Variants in GIPC2 observed in about 807,000 individuals in gnomAD.
GIPC2 encodes GIPC PDZ domain containing family member 2.
Under a neutral mutation model 30.6 loss-of-function variants are expected in GIPC2, and 30 were observed. The observed-to-expected ratio is 0.98, with a 90% CI of 0.73 to 1.33. GIPC2 has a LOEUF of 1.33. GIPC2 is among the 40% of genes most tolerant of loss of function. The pLI is 0.00. For synonymous variants in GIPC2, 167 were observed against 150.0 expected, an observed-to-expected ratio of 1.11 and a Z score of -0.83; for missense variants, 414 against 390.3, an observed-to-expected ratio of 1.06 and a Z score of -0.51.
At chr1:78,085,735 A>G (rs966592843) in intron 2 of GIPC2, among the ~76,000 whole-genome samples, 1 of 151,558 alleles carries the variant, frequency 6.6e-6, no homozygotes, top group African/African-American at 2.4e-5. Context: ...TCTGATGGTT[A>G]TTTTTATTTC....
At chr1:78,084,127 A>C (rs369122189) in intron 2 of GIPC2, among the ~76,000 whole-genome samples, 8 of 152,250 alleles carry the variant, frequency 5.3e-5, no homozygotes, top group African/African-American at 1.9e-4. Flanking sequence ...CATTGAAGTC[A>C]AGTTCTGGTG....
In GIPC2 at chr1:78,135,683, A is replaced by C; in HGVS notation, c.888A>C (p.Pro296=). The C allele has an allele frequency of 6.2e-7, 1 of 1,613,642 alleles. No homozygotes were observed. The highest frequency in any genetic ancestry group is 8.5e-7 in the Non-Finnish European group (1 of 1,179,684). ...LDETLGDFAF[P]DEFVFDVWGV... ...AAACTCTTGGAGACTTTGCGTTCCC[A>C]GACGAATTTGTCTTTGATGTTTGGG... The change falls in exon 6 of 6, where the codon CCA becomes CCC. Residue 296 remains proline, a synonymous_variant. Coordinates refer to ENST00000370759, the MANE Select transcript of GIPC2 (RefSeq NM_017655.6).
In GIPC2 at chr1:78,125,844, G is replaced by T. The variant is rs1384507955; in HGVS notation, c.715-37G>T. 5 of 1,116,508 alleles carry T rather than the reference G, an allele frequency of 4.5e-6. No homozygotes were observed. The Admixed American group carries it at 8.6e-5, about 19-fold the overall frequency. 69.2% of individuals were successfully genotyped at this position (1,116,508 alleles called of 1,614,324 possible). Reference sequence around the variant, plus strand: ...TATGCCCTGACAATCAAGAGATTTTGTTGTATAATATCTTATTTCTCTCTT... The same window carrying T: ...TATGCCCTGACAATCAAGAGATTTTTTTGTATAATATCTTATTTCTCTCTT... On this transcript the variant is annotated intron_variant, in intron 4 of 5. Coordinates refer to ENST00000370759, the MANE Select transcript of GIPC2 (RefSeq NM_017655.6).
At chr1:78,087,125 G>A (rs1381762099) in intron 2 of GIPC2, among the ~76,000 whole-genome samples, 2 of 152,152 alleles carry the variant, frequency 1.3e-5, no homozygotes, top group African/African-American at 4.8e-5. Context: ...TCCCATGCTT[G>A]TGGATAGGAA....
At chr1:78,098,727 T>C (rs1571506680) in intron 3 of GIPC2, among the ~76,000 whole-genome samples, 1 of 151,734 alleles carries the variant, frequency 6.6e-6, no homozygotes, top group East Asian at 1.9e-4. Context: ...TGTAACTAGG[T>C]TAAAATGACA....
In GIPC2 at chr1:78,135,596, C is replaced by T. The variant is rs1343968002; in HGVS notation, c.801C>T (p.Thr267=). ...YMGIRDIDLA[T]TMFEAGKDKV... ...TTTTAATATTATTTTTGATAGCCACCACAATGTTTGAAGCTGGAAAGGACA... is the reference window on the plus strand; with the variant it reads ...TTTTAATATTATTTTTGATAGCCACTACAATGTTTGAAGCTGGAAAGGACA... Residue 267 remains threonine (T), a synonymous_variant, in exon 6 of 6, where the codon ACC becomes ACT. Coordinates refer to ENST00000370759, the MANE Select transcript of GIPC2 (RefSeq NM_017655.6). The T allele has an allele frequency of 6.5e-7, 1 of 1,548,374 alleles. No homozygotes were observed. The highest frequency in any genetic ancestry group is 8.8e-7 in the Non-Finnish European group (1 of 1,138,468).
intron 1 of GIPC2, among the ~76,000 whole-genome samples, chr1:78,077,936 C>T (rs1050746765): frequency 2.0e-5 from 3 of 151,986 alleles, no homozygotes; most frequent in African/African-American, 4.8e-5. Context: ...CGCCTGTAAT[C>T]CCAGCACTTT....
chr1:78,112,877 T>A (rs1410886706), intron 3 of GIPC2, among the ~76,000 whole-genome samples: 1 of 152,158 alleles, frequency 6.6e-6, no homozygotes, highest in Non-Finnish European at 1.5e-5. Flanking sequence ...TATATAAACA[T>A]TTTATTTTAA....
At chr1:78,103,016 T>C (rs889249102) in intron 3 of GIPC2, among the ~76,000 whole-genome samples, 1 of 152,182 alleles carries the variant, frequency 6.6e-6, no homozygotes, top group African/African-American at 2.4e-5. Flanking sequence ...CCTAGGACTT[T>C]CTAAGTAGGA....
intron 2 of GIPC2, chr1:78,092,070 C>T (rs1225811084): frequency 1.5e-5 from 22 of 1,502,150 alleles, no homozygotes; most frequent in Non-Finnish European, 1.8e-5. Context: ...ATGTCAGCTT[C>T]ACCCCCCGGC....
chr1:78,083,389 A>T (rs772805944), intron 2 of GIPC2, among the ~76,000 whole-genome samples: 1 of 152,158 alleles, frequency 6.6e-6, no homozygotes, highest in Non-Finnish European at 1.5e-5. Context: ...AGGTACATGA[A>T]ACTGGTTTGT....
At chr1:78,067,526 A>G (rs567074972) in intron 1 of GIPC2, among the ~76,000 whole-genome samples, 1 of 152,010 alleles carries the variant, frequency 6.6e-6, no homozygotes, top group Admixed American at 6.6e-5. Context: ...GTCTCAGCTC[A>G]ATGCAACCTC....
At chr1:78,081,895 A>C (rs182096832) in intron 2 of GIPC2, among the ~76,000 whole-genome samples, 1 of 152,134 alleles carries the variant, frequency 6.6e-6, no homozygotes, top group East Asian at 1.9e-4. Flanking sequence ...GTACAGCTTA[A>C]TGAATGTTTA....
At chr1:78,118,793 C>G (rs651897) in intron 3 of GIPC2, among the ~76,000 whole-genome samples, 33,020 of 152,054 alleles carry the variant, frequency 0.22, 4,053 homozygotes, top group East Asian at 0.61. Flanking sequence ...TGCAAGACCT[C>G]GTTTTGAATC....
chr1:78,073,231 G>A (rs1246955940), intron 1 of GIPC2, among the ~76,000 whole-genome samples: 1 of 151,480 alleles, frequency 6.6e-6, no homozygotes, highest in Non-Finnish European at 1.5e-5. Context: ...AGCCTCCTGA[G>A]TAGCTGGGAC....
intron 1 of GIPC2, among the ~76,000 whole-genome samples, chr1:78,050,642 TC>T (rs1359162724): frequency 2.1e-4 from 32 of 151,892 alleles, no homozygotes; most frequent in African/African-American, 6.3e-4. Context: ...TTTTTTTTTT[TC>T]TTTTTTTTGT....
chr1:78,097,836 A>G (rs1340950010), intron 3 of GIPC2, among the ~76,000 whole-genome samples: 10 of 151,996 alleles, frequency 6.6e-5, no homozygotes, highest in Admixed American at 2.6e-4. Context: ...GGCTGAATTG[A>G]CTCTTGGCAA....
At chr1:78,131,161 A>G (rs1662887958) in intron 5 of GIPC2, among the ~76,000 whole-genome samples, 1 of 151,332 alleles carries the variant, frequency 6.6e-6, no homozygotes, top group African/African-American at 2.4e-5. Flanking sequence ...TTTTTTTCTC[A>G]TGTGTTTCTA....
Position 78,053,345 on chromosome 1 carries a change from G to A in GIPC2, c.240+7011G>A, listed in dbSNP as rs1040827096. On this transcript the variant is annotated intron_variant, in intron 1 of 5. Transcript: ENST00000370759. ...ATAGAATTGCACCCATTTCCTGACA[G>A]CACCCTATCCAGAACAAACCCATGC... Among the ~76,000 whole-genome samples the A allele has an allele frequency of 9.1e-4, 138 of 152,138 alleles. 1 individual carries two copies. The highest frequency in any genetic ancestry group is 3.1e-3 in the African/African-American group (127 of 41,416).
Sources: allele counts gnomAD v4.1 joint callset (sites outside exome capture counted in the v4.1 genomes callset), GRCh38; gene constraint gnomAD v4.1.1; transcripts MANE v1.5; gene names NCBI Gene and HGNC (gene_info 2026-07-23, HGNC 2026-07-21).